Variants in NBAS observed in about 807,000 individuals in gnomAD.
NBAS encodes the protein NBAS subunit of NRZ tethering complex, also known as NAG/BC035112 fusion.
NBAS carries 219 observed loss-of-function variants against 302.5 expected under a neutral mutation model. That is an observed-to-expected ratio of 0.72 (90% CI 0.65 to 0.81). NBAS has a LOEUF of 0.81. Among genes scored for constraint, NBAS ranks in the 30% least tolerant of loss-of-function variants. The pLI is 0.00. For missense variants in NBAS, 2,932 were observed against 2,841.6 expected (o/e 1.03, Z -0.72); for synonymous variants, 1,118 against 1,021.6 (o/e 1.09, Z -1.80).
the NBAS span, among the ~76,000 whole-genome samples, chr2:15,064,109 C>T: frequency 3.3e-5 from 5 of 151,888 alleles, no homozygotes; most frequent in African/African-American, 9.7e-5. Context: ...TCTTCGTTGT[C>T]GAAAACAGGG....
chr2:15,018,411 A>G, the NBAS span, among the ~76,000 whole-genome samples: 2 of 152,002 alleles, frequency 1.3e-5, no homozygotes, highest in Non-Finnish European at 2.9e-5. Flanking sequence ...AATACATACA[A>G]TTATTATATG....
rs1258000670 is a variant in NBAS at position 15,337,520 on chromosome 2, T to G, written c.4180-6755A>C. Among the ~76,000 whole-genome samples, 4 of 152,210 alleles carry G rather than the reference T, an allele frequency of 2.6e-5. No homozygotes were observed. The East Asian group carries it at 5.8e-4, about 22-fold the overall frequency. ...AATGTAGGCCACAAAACAATGATTC[T>G]ATTTCATAAAATGGACCTAAACTGT... is the stretch of plus-strand genomic sequence containing the variant. On this transcript the variant is annotated intron_variant, in intron 35 of 51. Coordinates refer to ENST00000281513, the MANE Select transcript of NBAS (RefSeq NM_015909.4).
At chr2:15,462,972 AG>A (rs1679570695) in intron 19 of NBAS, among the ~76,000 whole-genome samples, 1 of 152,148 alleles carries the variant, frequency 6.6e-6, no homozygotes, top group Non-Finnish European at 1.5e-5. Flanking sequence ...AAAGAAGAAA[AG>A]TATTTCACAG....
chr2:14,928,580 T>C, the NBAS span, among the ~76,000 whole-genome samples: 1 of 152,162 alleles, frequency 6.6e-6, no homozygotes, highest in Non-Finnish European at 1.5e-5. Context: ...ATGAGTGATA[T>C]TTTTGGCACT....
At chr2:15,501,204 G>A (rs758354632) in intron 11 of NBAS, among the ~76,000 whole-genome samples, 13 of 151,744 alleles carry the variant, frequency 8.6e-5, no homozygotes, top group African/African-American at 3.2e-4. Flanking sequence ...AGGAGGCTGA[G>A]ACAGGAGAAT....
chr2:15,541,628 A>T (rs570512528), intron 6 of NBAS, among the ~76,000 whole-genome samples: 1 of 152,216 alleles, frequency 6.6e-6, no homozygotes, highest in South Asian at 2.1e-4. Context: ...ATTTTATTAA[A>T]GCCTAACAAG....
At chr2:15,396,580 G>A in intron 26 of NBAS, 105 bp from the exon 27 acceptor site, 4 of 705,272 alleles carry the variant, frequency 5.7e-6, no homozygotes, top group Non-Finnish European at 9.4e-6. Context: ...TCTTTTATAT[G>A]TAATGTATAA....
intron 44 of NBAS, among the ~76,000 whole-genome samples, chr2:15,248,771 A>T (rs2147978541): frequency 6.6e-6 from 1 of 152,274 alleles, no homozygotes; most frequent in South Asian, 2.1e-4. Flanking sequence ...CCAGAAGTTG[A>T]ATCCCTGAAT....
chr2:15,556,962 G>C (rs1324440303), intron 2 of NBAS, 143 bp from the exon 3 acceptor site: 8 of 675,434 alleles, frequency 1.2e-5, no homozygotes, highest in African/African-American at 3.7e-5. Context: ...TAAAATGAGA[G>C]ACTAAATATA....
intron 9 of NBAS, 105 bp from the exon 10 acceptor site, chr2:15,511,455 C>CTATT: frequency 1.0e-6 from 1 of 983,362 alleles, no homozygotes; most frequent in Non-Finnish European, 1.6e-6. Context: ...TTACCAAGTA[C>CTATT]TATTAATATA....
chr2:15,153,700 T>A, the NBAS span, among the ~76,000 whole-genome samples: 1 of 152,238 alleles, frequency 6.6e-6, no homozygotes, highest in African/African-American at 2.4e-5. Flanking sequence ...GGACACATCA[T>A]AGAAAGGTCT....
the NBAS span, among the ~76,000 whole-genome samples, chr2:15,018,732 T>C: frequency 6.6e-6 from 1 of 152,118 alleles, no homozygotes; most frequent in Admixed American, 6.5e-5. Flanking sequence ...CACGTAATAA[T>C]TTGAAGTTCA....
intron 51 of NBAS, among the ~76,000 whole-genome samples, chr2:15,175,637 T>C (rs2125110400): frequency 6.6e-6 from 1 of 152,054 alleles, no homozygotes; most frequent in African/African-American, 2.4e-5. Context: ...CCATGCAGGG[T>C]TTTAATTGTT....
At chr2:15,402,604 A>G (rs1343387626) in intron 25 of NBAS, among the ~76,000 whole-genome samples, 1 of 152,196 alleles carries the variant, frequency 6.6e-6, no homozygotes, top group African/African-American at 2.4e-5. Flanking sequence ...TAAAAAGGCA[A>G]TTCATTAAGA....
At position 15,352,986 on chromosome 2, in the gene NBAS, C is replaced by T. The variant is rs1217509675; in HGVS notation, c.4089+567G>A. Among the ~76,000 whole-genome samples, 3 of 152,254 alleles carry T rather than the reference C, an allele frequency of 2.0e-5. No individual in the cohort carries two copies. In the East Asian group the frequency reaches 5.8e-4, roughly 30 times the overall value. On this transcript the variant is annotated intron_variant, in intron 34 of 51. Transcript: ENST00000281513. ...GGTGTGGGGGCCCTCTCCCGTCTTG[C>T]TCATGTCTGCCTGACTAGCTACCAA... is the stretch of plus-strand genomic sequence containing the variant.
Position 15,468,541 on chromosome 2 carries a change from T to C in NBAS, c.1726-8A>G, listed in dbSNP as rs199904480. 6.8e-6 allele frequency: 11 copies of C among 1,613,588 alleles called. No individual in the cohort carries two copies. In the East Asian group the frequency reaches 1.8e-4, roughly 26 times the overall value. On this transcript the variant is annotated splice_region_variant and splice_polypyrimidine_tract_variant and intron_variant, in intron 16 of 51. Coordinates refer to ENST00000281513, the MANE Select transcript of NBAS (RefSeq NM_015909.4). The stretch of plus-strand genomic sequence containing the variant: ...TCGCTTCTTTATTTTACTCTGCATA[T>C]AAAGGAAGAAACAGAGGAATTACAG...
At chr2:15,545,820 G>A (rs1475303510) in intron 6 of NBAS, among the ~76,000 whole-genome samples, 1 of 152,172 alleles carries the variant, frequency 6.6e-6, no homozygotes, top group African/African-American at 2.4e-5. Context: ...ACCAAACCAG[G>A]AAGATGTTAC....
the NBAS span, among the ~76,000 whole-genome samples, chr2:15,122,679 T>G: frequency 6.6e-6 from 1 of 152,092 alleles, no homozygotes; most frequent in African/African-American, 2.4e-5. Context: ...AAGCAGAGCT[T>G]TCCAAACTCA....
chr2:14,957,310 TA>T, the NBAS span, among the ~76,000 whole-genome samples: 3 of 147,260 alleles, frequency 2.0e-5, no homozygotes, highest in Non-Finnish European at 4.5e-5. Flanking sequence ...TGTGTGTGTG[TA>T]AAGTCCTGTG....
Sources: gnomAD v4.1 joint callset for allele counts (sites outside exome capture counted in the v4.1 genomes callset) on GRCh38, gnomAD v4.1.1 for gene constraint, MANE v1.5 for transcripts, NCBI Gene and HGNC (gene_info 2026-07-23, HGNC 2026-07-21) for gene names.